CUX1: variants seen among roughly 807,000 people sequenced by gnomAD.
CUX1 encodes protein CASP.
Under a neutral mutation model 158.8 loss-of-function variants are expected in CUX1, and 31 were observed. That is an observed-to-expected ratio of 0.20 (90% CI 0.15 to 0.26). The LOEUF is 0.26. Among genes scored for constraint, CUX1 ranks in the 10% least tolerant of loss-of-function variants. The pLI is 1.00. For synonymous variants in CUX1, 879 were observed against 862.1 expected, an observed-to-expected ratio of 1.02 and a Z score of -0.34; for missense variants, 1,589 against 2,014.6, an observed-to-expected ratio of 0.79 and a Z score of 4.04.
chr7:101,859,364 C>T (rs930665614), intron 1 of CUX1, among the ~76,000 whole-genome samples: 4 of 152,316 alleles, frequency 2.6e-5, no homozygotes, highest in Middle Eastern at 3.4e-3. Flanking sequence ...GCTGAACCTG[C>T]GTGATTCAGC....
At chr7:101,846,175 TCATATTTTAATAGAGTGA>T in intron 1 of CUX1, among the ~76,000 whole-genome samples, 1 of 152,294 alleles carries the variant, frequency 6.6e-6, no homozygotes. Flanking sequence ...TTTATTTAAT[TCATATTTTAATAGAGTGA>T]CTCCTCCCTT....
intron 10 of CUX1, among the ~76,000 whole-genome samples, chr7:102,178,168 C>T (rs1759048849): frequency 6.6e-6 from 1 of 152,236 alleles, no homozygotes; most frequent in Admixed American, 6.5e-5. Flanking sequence ...TCCCAAAGTG[C>T]TGGGATTACA....
chr7:102,147,145 A>G (rs1835106846), intron 8 of CUX1, among the ~76,000 whole-genome samples: 1 of 152,094 alleles, frequency 6.6e-6, no homozygotes, highest in African/African-American at 2.4e-5. Flanking sequence ...GGGTGGGGCC[A>G]CCGTGGAGTG....
intron 1 of CUX1, among the ~76,000 whole-genome samples, chr7:101,868,401 G>T (rs757428623): frequency 5.3e-5 from 8 of 152,224 alleles, no homozygotes; most frequent in Non-Finnish European, 1.0e-4. Context: ...CTGCTGTGAT[G>T]TGTTGGCATT....
At position 102,111,793 on chromosome 7, in the gene CUX1, T is replaced by C; in HGVS notation, c.607+19T>C. Reference sequence around the variant, plus strand: ...CAAACAGGTTTGATACTCTCCTTCCTAGTACCATGGATGTGGGGAGGACCC... The same window carrying C: ...CAAACAGGTTTGATACTCTCCTTCCCAGTACCATGGATGTGGGGAGGACCC... On this transcript the variant is annotated intron_variant, in intron 7 of 23. Transcript: ENST00000292535. 6.2e-7 allele frequency: 1 copy of C among 1,607,454 alleles called. No individual in the cohort carries two copies. Among genetic ancestry groups the C allele is most frequent in the Non-Finnish European group, 8.5e-7 (1 of 1,174,000 alleles).
chr7:102,089,648 T>C (rs1554481632), intron 4 of CUX1, among the ~76,000 whole-genome samples: 3 of 152,384 alleles, frequency 2.0e-5, no homozygotes, highest in Admixed American at 1.3e-4. Flanking sequence ...GGTTTTCAGC[T>C]CAGACTTTCC....
chr7:102,043,561 C>T (rs185573339), intron 3 of CUX1, among the ~76,000 whole-genome samples: 209 of 152,132 alleles, frequency 1.4e-3, no homozygotes, highest in Admixed American at 2.5e-3. Context: ...GGTCCTAGCA[C>T]CAATCTCCTG....
intron 4 of CUX1, among the ~76,000 whole-genome samples, chr7:102,076,849 C>A (rs1216438944): frequency 1.3e-5 from 2 of 151,856 alleles, no homozygotes; most frequent in African/African-American, 4.8e-5. Context: ...GCCTGGGCAA[C>A]ACGGTAAAAC....
In CUX1 at chr7:101,858,756, C is replaced by T. The variant is rs949892503; in HGVS notation, c.30+41087C>T. ...TCTTAGCTCACTGCAACCTCCGCCT[C>T]CCAGGTTCGAGAGATTCTCCTGCTT... On this transcript the variant is annotated intron_variant, in intron 1 of 23. Transcript: ENST00000292535. Among the ~76,000 whole-genome samples, 79 of 150,006 alleles carry T rather than the reference C, an allele frequency of 5.3e-4. 1 individual carries two copies. The highest frequency in any genetic ancestry group is 1.9e-3 in the African/African-American group (78 of 40,592).
intron 8 of CUX1, among the ~76,000 whole-genome samples, chr7:102,150,077 A>G (rs782727168): frequency 1.3e-5 from 2 of 152,146 alleles, no homozygotes; most frequent in African/African-American, 2.4e-5. Context: ...TAATCTGTAG[A>G]TATTTCTCCT....
Position 101,900,392 on chromosome 7 carries a change from G to A in CUX1, c.31-15723G>A, listed in dbSNP as rs188679044. Among the ~76,000 whole-genome samples the A allele has an allele frequency of 1.2e-4, 18 of 152,322 alleles. No homozygotes were observed. In the South Asian group the frequency reaches 1.2e-3, roughly 11 times the overall value. The stretch of plus-strand genomic sequence containing the variant: ...CTCTGCCATACGAGTGTCGTTCTGC[G>A]GGGCCATCTGGCTGGCAGCAGCTCT... On this transcript the variant is annotated intron_variant, in intron 1 of 23. Transcript: ENST00000292535.
rs1267716601 is a variant in CUX1 at position 102,251,185 on chromosome 7, G to A, written c.*2143G>A. On this transcript the variant is annotated 3_prime_UTR_variant, in exon 24 of 24. Transcript: ENST00000292535. ...TTGTCTTAGGTCAACATCTTTGGAT[G>A]ACATTTTAATGGTGCATTCATTATT... The A allele has an allele frequency of 4.1e-6, 4 of 981,556 alleles. No homozygotes were observed. Among genetic ancestry groups the A allele is most frequent in the Non-Finnish European group, 4.8e-6 (4 of 828,420 alleles). 60.8% of individuals were successfully genotyped at this position (981,556 alleles called of 1,614,324 possible).
At chr7:101,839,642 T>G (rs1795007803) in intron 1 of CUX1, among the ~76,000 whole-genome samples, 1 of 152,226 alleles carries the variant, frequency 6.6e-6, no homozygotes, top group Admixed American at 6.5e-5. Context: ...TTTCGCCTTT[T>G]GTAAATTGTC....
At chr7:101,994,030 T>TCCAG (rs1815492192) in intron 2 of CUX1, among the ~76,000 whole-genome samples, 1 of 152,196 alleles carries the variant, frequency 6.6e-6, no homozygotes, top group Non-Finnish European at 1.5e-5. Context: ...CATTGAGGCT[T>TCCAG]CCAGCCCCCT....
intron 1 of CUX1, among the ~76,000 whole-genome samples, chr7:101,889,665 AG>A (rs1365130526): frequency 6.6e-6 from 1 of 152,126 alleles, no homozygotes; most frequent in Non-Finnish European, 1.5e-5. Context: ...CCAGCTACTC[AG>A]GAGGCTGAGG....
intron 18 of CUX1, among the ~76,000 whole-genome samples, chr7:102,203,786 G>GGT: frequency 6.6e-6 from 1 of 152,196 alleles, no homozygotes; most frequent in Non-Finnish European, 1.5e-5. Flanking sequence ...AGAAAACTCG[G>GGT]GTGTGTACAC....
intron 14 of CUX1, among the ~76,000 whole-genome samples, chr7:102,267,287 A>G (rs563122507): frequency 6.6e-6 from 1 of 151,984 alleles, no homozygotes; most frequent in Non-Finnish European, 1.5e-5. Context: ...TAATCCCAGC[A>G]CTTTGGGAGG....
At chr7:102,076,990 C>T (rs1050042556) in intron 4 of CUX1, among the ~76,000 whole-genome samples, 12 of 149,304 alleles carry the variant, frequency 8.0e-5, no homozygotes, top group African/African-American at 2.2e-4. Context: ...GCCAAGATCA[C>T]GCCACTGCAC....
chr7:102,194,421 A>C (rs2131952201), intron 13 of CUX1, among the ~76,000 whole-genome samples: 1 of 148,968 alleles, frequency 6.7e-6, no homozygotes. Context: ...GCAATATAGC[A>C]AGACCATGTT....
Sources: allele counts gnomAD v4.1 joint callset (sites outside exome capture counted in the v4.1 genomes callset), GRCh38; gene constraint gnomAD v4.1.1; transcripts MANE v1.5; gene names NCBI Gene and HGNC (gene_info 2026-07-23, HGNC 2026-07-21).